Variants in DNTT observed in about 807,000 individuals in gnomAD.
DNTT encodes the protein nucleosidetriphosphate:DNA deoxynucleotidylexotransferase.
A neutral mutation model predicts 60.9 loss-of-function variants in DNTT; 47 were observed. The observed-to-expected ratio is 0.77, with a 90% confidence interval of 0.61 to 0.98. The LOEUF (loss-of-function observed/expected upper bound fraction) is 0.98. DNTT is among the 50% of genes least tolerant of loss of function. DNTT has a pLI of 0.00. For missense variants in DNTT, 665 were observed against 627.5 expected, an observed-to-expected ratio of 1.06 and a Z score of -0.64; for synonymous variants, 224 against 221.2, an observed-to-expected ratio of 1.01 and a Z score of -0.11.
intron 8 of DNTT, among the ~76,000 whole-genome samples, 194 bp downstream of exon 8, chr10:96,329,024 T>C (rs1295632591): frequency 1.5e-5 from 1 of 67,472 alleles, no homozygotes; most frequent in African/African-American, 5.2e-5. Context: ...TATGAATATG[T>C]CCTGTATCTT....
At chr10:96,306,223 A>G (rs1487257158) in intron 1 of DNTT, among the ~76,000 whole-genome samples, 1 of 151,032 alleles carries the variant, frequency 6.6e-6, no homozygotes, top group Non-Finnish European at 1.5e-5. Context: ...CCTCCCAAGT[A>G]GCTGGGACTA....
chr10:96,318,524 G>A lies in DNTT; in HGVS notation c.376G>A (p.Val126Ile), dbSNP rs964745205. Reference protein sequence around the residue: ...PVEMTGKHQLVVRRDYSDSTN... With the variant: ...PVEMTGKHQLIVRRDYSDSTN... ...GGAAATGACAGGAAAACACCAGCTTGTTGTAAGTGTCATGGGTGTGATTTT... is the reference window on the plus strand; with the variant it reads ...GGAAATGACAGGAAAACACCAGCTTATTGTAAGTGTCATGGGTGTGATTTT... Residue 126 changes from valine to isoleucine, a missense_variant and splice_region_variant, in exon 2 of 11, where the codon GTT becomes ATT. Transcript: ENST00000371174. 6.2e-7 allele frequency: 1 copy of A among 1,613,026 alleles called. No individual in the cohort carries two copies. Among genetic ancestry groups the A allele is most frequent in the Non-Finnish European group, 8.5e-7 (1 of 1,179,408 alleles).
At chr10:96,314,475 C>A (rs1844761558) in intron 1 of DNTT, among the ~76,000 whole-genome samples, 1 of 125,864 alleles carries the variant, frequency 7.9e-6, no homozygotes, top group Admixed American at 1.0e-4. Flanking sequence ...TGTAGTGGCA[C>A]AATCTCAACT....
intron 3 of DNTT, 90 bp from the exon 4 acceptor site, chr10:96,320,528 T>C: frequency 2.8e-6 from 4 of 1,445,344 alleles, no homozygotes; most frequent in Non-Finnish European, 3.8e-6. Flanking sequence ...GGTATTCCAA[T>C]ATTTAAAGGA....
chr10:96,304,812 C>T, intron 1 of DNTT, 112 bp downstream of exon 1: 1 of 1,165,610 alleles, frequency 8.6e-7, no homozygotes, highest in Non-Finnish European at 1.2e-6. Flanking sequence ...GATCTTCCCA[C>T]TGGGAGAACA....
At chr10:96,328,277 C>T (rs982821347) in intron 7 of DNTT, among the ~76,000 whole-genome samples, 2 of 152,166 alleles carry the variant, frequency 1.3e-5, no homozygotes, top group Non-Finnish European at 1.5e-5. Flanking sequence ...GGCTTTTGGC[C>T]ATCCTAACAA....
chr10:96,318,294 G>A, intron 1 of DNTT, 58 bp from the exon 2 acceptor site: 1 of 1,554,006 alleles, frequency 6.4e-7, no homozygotes. Flanking sequence ...TGAGGAAAGA[G>A]GAGAGCTTCT....
At chr10:96,321,265 G>A (rs1235150930) in intron 4 of DNTT, among the ~76,000 whole-genome samples, 5 of 152,176 alleles carry the variant, frequency 3.3e-5, no homozygotes, top group Non-Finnish European at 7.4e-5. Context: ...GACCCAAGTG[G>A]GCAACTTGGA....
chr10:96,319,219 C>T (rs1179482181), intron 2 of DNTT, 43 bp from the exon 3 acceptor site: 1 of 1,603,346 alleles, frequency 6.2e-7, no homozygotes, highest in Admixed American at 1.7e-5. Flanking sequence ...TCTGTTATTA[C>T]TATTAATTTT....
At chr10:96,310,278 G>A (rs1844699592) in intron 1 of DNTT, among the ~76,000 whole-genome samples, 1 of 152,168 alleles carries the variant, frequency 6.6e-6, no homozygotes, top group Non-Finnish European at 1.5e-5. Context: ...TTTAACTAGT[G>A]TCCAGCTTTG....
At chr10:96,326,518 AC>A (rs1844940803) in intron 6 of DNTT, among the ~76,000 whole-genome samples, 1 of 152,120 alleles carries the variant, frequency 6.6e-6, no homozygotes, top group Non-Finnish European at 1.5e-5. Context: ...CCAAATGGCC[AC>A]CCTGCTGCCT....
intron 1 of DNTT, among the ~76,000 whole-genome samples, chr10:96,313,927 T>A (rs1844752290): frequency 6.6e-6 from 1 of 152,112 alleles, no homozygotes; most frequent in African/African-American, 2.4e-5. Context: ...GACACGTCCA[T>A]CTCCCTCAGA....
rs532653290 is a variant in DNTT at position 96,308,647 on chromosome 10, T to C, written c.203+3947T>C. Reference sequence around the variant, plus strand: ...ACAGGCATTGTGTGAGCAACAAGGCTGTTTATTTCACCTGGGTGCAAGCGA... The same window carrying C: ...ACAGGCATTGTGTGAGCAACAAGGCCGTTTATTTCACCTGGGTGCAAGCGA... On this transcript the variant is annotated intron_variant, in intron 1 of 10. Transcript: ENST00000371174. 6.6e-5 allele frequency among the ~76,000 whole-genome samples: 10 copies of C among 152,322 alleles called. No homozygotes were observed. In the South Asian group the frequency reaches 2.1e-3, roughly 32 times the overall value.
chr10:96,311,753 C>T (rs1308688056), intron 1 of DNTT, among the ~76,000 whole-genome samples: 3 of 152,214 alleles, frequency 2.0e-5, no homozygotes, highest in East Asian at 1.9e-4. Flanking sequence ...AAGCGATTCT[C>T]GTGCCTCAGC....
intron 1 of DNTT, among the ~76,000 whole-genome samples, chr10:96,317,448 G>C (rs766728257): frequency 4.6e-5 from 7 of 152,154 alleles, no homozygotes; most frequent in Non-Finnish European, 8.8e-5. Flanking sequence ...TTTCTTGAAG[G>C]CTGGTTATAA....
chr10:96,316,393 C>T lies in DNTT; in HGVS notation c.204-1959C>T, dbSNP rs78553590. ...ACCCTCCCTACCCCATTACGCTCCCCTCCAAATCACTGTATGTACCAGACT... is the reference window on the plus strand; with the variant it reads ...ACCCTCCCTACCCCATTACGCTCCCTTCCAAATCACTGTATGTACCAGACT... On this transcript the variant is annotated intron_variant, in intron 1 of 10. Transcript: ENST00000371174. Among the ~76,000 whole-genome samples the T allele has an allele frequency of 7.3e-3, 1,115 of 152,246 alleles. 15 individuals are homozygous for T. The highest frequency in any genetic ancestry group is 0.026 in the African/African-American group (1,060 of 41,534).
At chr10:96,333,942 A>G (rs1845036800) in intron 9 of DNTT, among the ~76,000 whole-genome samples, 1 of 152,288 alleles carries the variant, frequency 6.6e-6, no homozygotes, top group African/African-American at 2.4e-5. Context: ...AAAAGTGTAT[A>G]TTTCAAAGTA....
At chr10:96,335,192 C>A (rs1349687045) in intron 9 of DNTT, among the ~76,000 whole-genome samples, 2 of 152,224 alleles carry the variant, frequency 1.3e-5, no homozygotes, top group South Asian at 2.1e-4. Flanking sequence ...CATGACAATT[C>A]GTTGCCCTCC....
At chr10:96,310,288 G>T (rs1429885825) in intron 1 of DNTT, among the ~76,000 whole-genome samples, 1 of 152,136 alleles carries the variant, frequency 6.6e-6, no homozygotes, top group African/African-American at 2.4e-5. Context: ...GTCCAGCTTT[G>T]TTAATCTTTG....
Sources: gnomAD v4.1 joint callset for allele counts (sites outside exome capture counted in the v4.1 genomes callset) on GRCh38, gnomAD v4.1.1 for gene constraint, MANE v1.5 for transcripts, NCBI Gene and HGNC (gene_info 2026-07-23, HGNC 2026-07-21) for gene names.